Variants in SHANK2 observed in about 807,000 individuals in gnomAD.
The protein encoded by SHANK2 is SH3 and multiple ankyrin repeat domains 2.
A neutral mutation model predicts 133.7 loss-of-function variants in SHANK2; 43 were observed. The ratio of observed to expected loss-of-function variants is 0.32; its 90% CI spans 0.25 to 0.41. The LOEUF is 0.41. Ranked by LOEUF, SHANK2 falls within the 10% of genes least tolerant of loss-of-function variation. The pLI is 1.00. For missense variants in SHANK2, 1,994 were observed against 2,235.8 expected (o/e 0.89, Z 2.18); for synonymous variants, 1,017 against 952.8 (o/e 1.07, Z -1.24).
At chr11:71,151,945 G>A (rs563770524) in intron 2 of SHANK2, among the ~76,000 whole-genome samples, 1 of 152,202 alleles carries the variant, frequency 6.6e-6, no homozygotes, top group Admixed American at 6.5e-5. Context: ...CACGAAGGGG[G>A]CGATGCTGGC....
chr11:71,245,867 G>A (rs1530233), intron 1 of SHANK2, among the ~76,000 whole-genome samples: 80,351 of 152,124 alleles, frequency 0.53, 24,200 homozygotes, highest in African/African-American at 0.83. Context: ...TGTCCACCTC[G>A]TGAGGAGGGG....
chr11:70,538,019 C>A (rs1378056031), intron 17 of SHANK2, among the ~76,000 whole-genome samples: 2 of 152,230 alleles, frequency 1.3e-5, no homozygotes, highest in Admixed American at 6.5e-5. Context: ...GTAGCTCACT[C>A]ACTTGCAGAG....
intron 17 of SHANK2, among the ~76,000 whole-genome samples, chr11:70,609,556 AC>A (rs2060626408): frequency 6.6e-6 from 1 of 152,168 alleles, no homozygotes; most frequent in Admixed American, 6.6e-5. Context: ...AACAGCCCCA[AC>A]GCACATCCAC....
chr11:71,228,026 A>T (rs1954671708), intron 1 of SHANK2, among the ~76,000 whole-genome samples: 1 of 151,328 alleles, frequency 6.6e-6, no homozygotes, highest in South Asian at 2.1e-4. Flanking sequence ...ACTGACCAAG[A>T]AAAAAAAACA....
intron 2 of SHANK2, among the ~76,000 whole-genome samples, chr11:71,179,469 A>G (rs1467967778): frequency 6.6e-6 from 1 of 152,216 alleles, no homozygotes; most frequent in African/African-American, 2.4e-5. Flanking sequence ...TCAGCCTGAG[A>G]AAAGGCATCT....
intron 14 of SHANK2, among the ~76,000 whole-genome samples, chr11:70,720,719 G>A (rs1254289621): frequency 1.3e-5 from 2 of 152,210 alleles, no homozygotes; most frequent in East Asian, 3.8e-4. Flanking sequence ...GTATACATGT[G>A]CTGACACACG....
At chr11:71,240,204 G>A (rs558827156) in intron 1 of SHANK2, among the ~76,000 whole-genome samples, 30 of 152,236 alleles carry the variant, frequency 2.0e-4, no homozygotes, top group East Asian at 9.7e-4. Flanking sequence ...AACCCGCTGC[G>A]GGACCCAGAC....
intron 3 of SHANK2, among the ~76,000 whole-genome samples, chr11:71,146,858 A>G (rs1327666944): frequency 6.6e-5 from 10 of 152,202 alleles, no homozygotes; most frequent in African/African-American, 2.4e-4. Context: ...GGCACACAGT[A>G]GGTGCCCAGT....
intron 14 of SHANK2, among the ~76,000 whole-genome samples, chr11:70,706,299 C>G (rs531749033): frequency 6.6e-6 from 1 of 152,198 alleles, no homozygotes; most frequent in African/African-American, 2.4e-5. Flanking sequence ...TGGTGCATAG[C>G]GGGCACTCAG....
At chr11:70,766,819 A>T (rs1427967373) in intron 14 of SHANK2, among the ~76,000 whole-genome samples, 4 of 152,244 alleles carry the variant, frequency 2.6e-5, no homozygotes, top group Non-Finnish European at 5.9e-5. Context: ...ATCAGCGATC[A>T]TTTTGGAAAA....
intron 10 of SHANK2, among the ~76,000 whole-genome samples, chr11:70,938,439 A>G (rs1565416968): frequency 6.6e-6 from 1 of 152,240 alleles, no homozygotes; most frequent in Non-Finnish European, 1.5e-5. Context: ...GAAAACTTAC[A>G]TGCAGCTCTA....
At chr11:71,223,736 G>T (rs1954595596) in intron 2 of SHANK2, among the ~76,000 whole-genome samples, 1 of 152,214 alleles carries the variant, frequency 6.6e-6, no homozygotes, top group African/African-American at 2.4e-5. Flanking sequence ...ATCTGACGCA[G>T]CTTCTTGGGC....
chr11:70,607,409 T>C (rs1303895695), intron 17 of SHANK2, among the ~76,000 whole-genome samples: 1 of 152,140 alleles, frequency 6.6e-6, no homozygotes, highest in Non-Finnish European at 1.5e-5. Context: ...ACCAAGTACA[T>C]GCTTGGCCAG....
intron 17 of SHANK2, among the ~76,000 whole-genome samples, chr11:70,509,140 A>C (rs191042110): frequency 2.2e-4 from 33 of 152,326 alleles, no homozygotes; most frequent in African/African-American, 7.7e-4. Context: ...GCCCACCTGC[A>C]GTGCTTGGTC....
chr11:70,847,966 C>T (rs553522340), intron 11 of SHANK2, among the ~76,000 whole-genome samples: 4 of 152,316 alleles, frequency 2.6e-5, no homozygotes, highest in African/African-American at 4.8e-5. Context: ...CTGAGGTGAC[C>T]GTGGCTGGAG....
At chr11:70,953,290 T>G (rs1555087070) in intron 10 of SHANK2, among the ~76,000 whole-genome samples, 1 of 151,568 alleles carries the variant, frequency 6.6e-6, no homozygotes, top group Non-Finnish European at 1.5e-5. Flanking sequence ...GGGACAGAAC[T>G]GATAGGATAC....
intron 17 of SHANK2, among the ~76,000 whole-genome samples, chr11:70,652,809 C>A (rs574048460): frequency 5.9e-5 from 9 of 152,252 alleles, no homozygotes; most frequent in African/African-American, 1.9e-4. Context: ...GATCCTGTCT[C>A]TAAAAAAGAA....
At chr11:71,068,253 C>G (rs1010015824) in intron 9 of SHANK2, among the ~76,000 whole-genome samples, 1 of 152,186 alleles carries the variant, frequency 6.6e-6, no homozygotes, top group Non-Finnish European at 1.5e-5. Flanking sequence ...CACTGAGTGA[C>G]AGACACTCCT....
At chr11:70,731,316 C>G (rs531107996) in intron 14 of SHANK2, among the ~76,000 whole-genome samples, 1 of 152,306 alleles carries the variant, frequency 6.6e-6, no homozygotes, top group South Asian at 2.1e-4. Flanking sequence ...TGACTTCCAG[C>G]CTCCAGAACA....
Sources: allele counts gnomAD v4.1 joint callset (sites outside exome capture counted in the v4.1 genomes callset), GRCh38; gene constraint gnomAD v4.1.1; transcripts MANE v1.5; gene names NCBI Gene and HGNC (gene_info 2026-07-23, HGNC 2026-07-21).